The following ADAMTS20 variants were observed in gnomAD, a reference collection of about 807,000 sequenced individuals.
The protein encoded by ADAMTS20 is A disintegrin and metalloproteinase with thrombospondin motifs 20.
ADAMTS20 carries 225 observed loss-of-function variants against 260.1 expected under a neutral mutation model. The ratio of observed to expected loss-of-function variants is 0.87; its 90% CI spans 0.78 to 0.97. ADAMTS20 has a LOEUF of 0.97. ADAMTS20 is among the 50% of genes least tolerant of loss of function. The probability of loss-of-function intolerance (pLI) is 0.00; values close to 1 mark genes in which losing one functional copy is unlikely to be tolerated. For synonymous variants in ADAMTS20, 802 were observed against 769.5 expected, an observed-to-expected ratio of 1.04 and a Z score of -0.70; for missense variants, 2,400 against 2,337.7, an observed-to-expected ratio of 1.03 and a Z score of -0.55.
At chr12:43,379,715 A>G (rs1011469929) in intron 31 of ADAMTS20, among the ~76,000 whole-genome samples, 28 of 152,338 alleles carry the variant, frequency 1.8e-4, no homozygotes, top group African/African-American at 6.7e-4. Flanking sequence ...TATAGACTTA[A>G]CAGTTAGTTC....
At chr12:43,499,781 G>A (rs948122436) in intron 4 of ADAMTS20, among the ~76,000 whole-genome samples, 2 of 152,084 alleles carry the variant, frequency 1.3e-5, no homozygotes, top group Non-Finnish European at 2.9e-5. Context: ...GGGATTACAG[G>A]CGTGAGCCAT....
At chr12:43,381,745 C>T (rs1056875598) in intron 31 of ADAMTS20, among the ~76,000 whole-genome samples, 1 of 132,462 alleles carries the variant, frequency 7.5e-6, no homozygotes, top group Admixed American at 8.6e-5. Flanking sequence ...TATACCACCG[C>T]ACTCCAGCTT....
intron 3 of ADAMTS20, among the ~76,000 whole-genome samples, chr12:43,512,582 G>A (rs1201480207): frequency 6.6e-6 from 1 of 151,996 alleles, no homozygotes; most frequent in East Asian, 1.9e-4. Context: ...ATATTTTATA[G>A]TACTTTTTTC....
At chr12:43,386,013 T>G (rs1416555183) in intron 29 of ADAMTS20, among the ~76,000 whole-genome samples, 1 of 152,152 alleles carries the variant, frequency 6.6e-6, no homozygotes, top group East Asian at 1.9e-4. Context: ...TCCTTTATCA[T>G]TTTTATTGTG....
intron 17 of ADAMTS20, 56 bp from the exon 18 acceptor site, chr12:43,439,807 T>C: frequency 6.4e-7 from 1 of 1,555,406 alleles, no homozygotes; most frequent in South Asian, 1.2e-5. Context: ...ATTCTTGACA[T>C]CATTTTATAT....
intron 16 of ADAMTS20, among the ~76,000 whole-genome samples, chr12:43,443,203 T>C (rs1452796014): frequency 6.6e-6 from 1 of 152,222 alleles, no homozygotes; most frequent in East Asian, 1.9e-4. Flanking sequence ...ATCATTTTCA[T>C]GTTTGTGTCT....
Position 43,452,400 on chromosome 12 carries a change from C to T in ADAMTS20, c.1953G>A (p.Lys651=). 6.2e-7 allele frequency: 1 copy of T among 1,610,602 alleles called. No homozygotes were observed. Among genetic ancestry groups the T allele is most frequent in the Non-Finnish European group, 8.5e-7 (1 of 1,178,932 alleles). Residue 651 remains lysine (K), a synonymous_variant, in exon 14 of 39, where the codon AAG becomes AAA. Transcript: ENST00000389420. ...CCTGACAATAGAGTTTACAACGATCCTTTGTGCCAACTGTAAAAAAGAAAA... is the reference window on the plus strand; with the variant it reads ...CCTGACAATAGAGTTTACAACGATCTTTTGTGCCAACTGTAAAAAAGAAAA... The part of the protein sequence containing the change: ...WLPRYSGIGT[K]DRCKLYCQVA...
chr12:43,465,966 T>A (rs1942145386), intron 9 of ADAMTS20, among the ~76,000 whole-genome samples: 1 of 152,026 alleles, frequency 6.6e-6, no homozygotes, highest in African/African-American at 2.4e-5. Flanking sequence ...AGAAGTGAAG[T>A]AGTGTTACAT....
rs937608166 is a variant in ADAMTS20 at position 43,376,143 on chromosome 12, A to G, written c.5226T>C (p.Tyr1742=). The G allele has an allele frequency of 6.3e-7, 1 of 1,597,686 alleles. No homozygotes were observed. Among genetic ancestry groups the G allele is most frequent in the Non-Finnish European group, 8.5e-7 (1 of 1,173,596 alleles). The change falls in exon 35 of 39, where the codon TAT becomes TAC. Residue 1742 remains tyrosine (Y), a synonymous_variant. Coordinates refer to ENST00000389420, the MANE Select transcript of ADAMTS20 (RefSeq NM_025003.5). ...GGTTCTCCAAGTACATGTCTGCACAATAAATCTAAAGAAAAAATGTAAACA... is the reference window on the plus strand; with the variant it reads ...GGTTCTCCAAGTACATGTCTGCACAGTAAATCTAAAGAAAAAATGTAAACA... ...LNIKGRIIKI[Y]CADMYLENPK...
intron 28 of ADAMTS20, among the ~76,000 whole-genome samples, chr12:43,400,314 T>C (rs966723606): frequency 1.3e-5 from 2 of 152,032 alleles, no homozygotes; most frequent in African/African-American, 4.8e-5. Flanking sequence ...ATTTTATGCA[T>C]ATTGTGAACT....
In ADAMTS20 at chr12:43,436,222, A is replaced by T. The variant is rs193186995; in HGVS notation, c.2594-1851T>A. On this transcript the variant is annotated intron_variant, in intron 18 of 38. Transcript: ENST00000389420. ...GTAAATAAGCAACAAATCATTCATGACATAGAACCCAAGAGAGGCCCAGGA... is the reference window on the plus strand; with the variant it reads ...GTAAATAAGCAACAAATCATTCATGTCATAGAACCCAAGAGAGGCCCAGGA... Among the ~76,000 whole-genome samples, 8 of 152,330 alleles carry T rather than the reference A, an allele frequency of 5.3e-5. No individual in the cohort carries two copies. The East Asian group carries it at 1.4e-3, about 26-fold the overall frequency.
chr12:43,532,681 T>C (rs1426508352), intron 2 of ADAMTS20, among the ~76,000 whole-genome samples: 6 of 98,218 alleles, frequency 6.1e-5, no homozygotes, highest in Non-Finnish European at 1.0e-4. Context: ...ATTAGGTATA[T>C]CTCCCAATGC....
At chr12:43,435,227 T>C (rs1203170118) in intron 18 of ADAMTS20, among the ~76,000 whole-genome samples, 5 of 152,178 alleles carry the variant, frequency 3.3e-5, no homozygotes, top group Non-Finnish European at 7.3e-5. Context: ...ATGTGCCACA[T>C]TAATGCAAGA....
In ADAMTS20 at chr12:43,544,275, TA is replaced by T. The variant is rs1013172656; in HGVS notation, c.453+6633del. Reference sequence around the variant, plus strand: ...CTTAAATGTGCCCAAGCACTTTAACTAAAATTGGTAAAGTAATTTTCCTGCA... The same window carrying T: ...CTTAAATGTGCCCAAGCACTTTAACTAAATTGGTAAAGTAATTTTCCTGCA... On this transcript the variant is annotated intron_variant, in intron 2 of 38. Coordinates refer to ENST00000389420, the MANE Select transcript of ADAMTS20 (RefSeq NM_025003.5). Among the ~76,000 whole-genome samples the T allele has an allele frequency of 3.9e-5, 6 of 152,228 alleles. No individual in the cohort carries two copies. The South Asian group carries it at 1.2e-3, about 31-fold the overall frequency.
chr12:43,410,127 T>C (rs929913067), intron 28 of ADAMTS20, among the ~76,000 whole-genome samples: 3 of 151,968 alleles, frequency 2.0e-5, no homozygotes, highest in African/African-American at 7.3e-5. Context: ...TTAAGGAAGG[T>C]ACAGGCAGGA....
intron 3 of ADAMTS20, among the ~76,000 whole-genome samples, chr12:43,519,381 C>T (rs1255467575): frequency 6.6e-6 from 1 of 152,110 alleles, no homozygotes; most frequent in African/African-American, 2.4e-5. Flanking sequence ...AACCCTCTTT[C>T]CTCCCTCACT....
intron 7 of ADAMTS20, among the ~76,000 whole-genome samples, chr12:43,476,926 C>G (rs972202145): frequency 6.8e-6 from 1 of 147,506 alleles, no homozygotes; most frequent in African/African-American, 2.5e-5. Context: ...AGCACACCAG[C>G]ATGGCACATG....
intron 18 of ADAMTS20, 74 bp downstream of exon 18, chr12:43,439,548 C>T: frequency 6.5e-7 from 1 of 1,528,940 alleles, no homozygotes. Flanking sequence ...CATAGGCAGC[C>T]AAGACTCAAA....
At chr12:43,395,256 T>C (rs777134864) in intron 29 of ADAMTS20, among the ~76,000 whole-genome samples, 3 of 152,132 alleles carry the variant, frequency 2.0e-5, no homozygotes, top group Non-Finnish European at 4.4e-5. Flanking sequence ...CTGAATACCC[T>C]GACATTTCAA....
Sources: gnomAD v4.1 joint callset for allele counts (sites outside exome capture counted in the v4.1 genomes callset) on GRCh38, gnomAD v4.1.1 for gene constraint, MANE v1.5 for transcripts, NCBI Gene and HGNC (gene_info 2026-07-23, HGNC 2026-07-21) for gene names.